ZNF74: variants seen among roughly 807,000 people sequenced by gnomAD.
ZNF74 encodes zinc finger protein 520.
A neutral mutation model predicts 17.7 loss-of-function variants in ZNF74; 12 were observed. The observed-to-expected ratio is 0.68, with a 90% CI of 0.43 to 1.10. The LOEUF (loss-of-function observed/expected upper bound fraction) is 1.10. Ranked by LOEUF, ZNF74 falls within the 50% of genes least tolerant of loss-of-function variation. The probability of loss-of-function intolerance (pLI) is 0.00; values close to 1 mark genes in which losing one functional copy is unlikely to be tolerated. For synonymous variants in ZNF74, 358 were observed against 362.1 expected (o/e 0.99, Z 0.13); for missense variants, 811 against 881.0 (o/e 0.92, Z 1.01).
rs1488417944 is a variant in ZNF74, at chr22:20,401,770, G to A, written c.343+398G>A. 6.6e-5 allele frequency among the ~76,000 whole-genome samples: 10 copies of A among 152,028 alleles called. No homozygotes were observed. The highest frequency in any genetic ancestry group is 2.1e-4 in the South Asian group (1 of 4,818). ...CATCAGCATCAGGGCCAGCGTCAGC[G>A]TCAGGGTCAGAGCCAGCATCAGTGT... is the stretch of plus-strand genomic sequence containing the variant. On this transcript the variant is annotated intron_variant, in intron 4 of 4. Coordinates refer to ENST00000400451, the MANE Select transcript of ZNF74 (RefSeq NM_003426.4). The surrounding 1 kb of genome is among the most constrained non-coding windows in gnomAD (Gnocchi z 4.2).
Position 20,406,754 on chromosome 22 carries a change from A to G in ZNF74, c.1721A>G (p.His574Arg). Residue 574 changes from histidine to arginine, a missense_variant, in exon 5 of 5, where the codon CAC (histidine) becomes CGC (arginine). Transcript: ENST00000400451. Reference protein sequence around the residue: ...MFNWSSHLTEHQRLHSEGKPL... With the variant: ...MFNWSSHLTERQRLHSEGKPL... The stretch of plus-strand genomic sequence containing the variant: ...AACTGGAGCTCGCACCTCACTGAGC[A>G]CCAGAGGCTGCACAGCGAGGGGAAG... 6.2e-7 allele frequency: 1 copy of G among 1,614,158 alleles called. No individual in the cohort carries two copies. Among genetic ancestry groups the G allele is most frequent in the Non-Finnish European group, 8.5e-7 (1 of 1,180,034 alleles).
chr22:20,405,592 G>A lies in ZNF74; in HGVS notation c.559G>A (p.Ala187Thr), dbSNP rs1307995073. 3 of 1,612,668 alleles carry A rather than the reference G, an allele frequency of 1.9e-6. No individual in the cohort carries two copies. Among genetic ancestry groups the A allele is most frequent in the Non-Finnish European group, 2.5e-6 (3 of 1,179,374 alleles). The change falls in exon 5 of 5, where the codon GCC becomes ACC. Residue 187 changes from alanine to threonine, a missense_variant. Physicochemically the swap from Ala to Thr is moderately conservative, Grantham distance 58 (BLOSUM62 0). Coordinates refer to ENST00000400451, the MANE Select transcript of ZNF74 (RefSeq NM_003426.4). ...ATTCCCCCTCAGGTGTCCCCTCTTC[G>A]CCCAGCAACGCGTTCCCGAGGGGGG... ...EEFPLRCPLF[A>T]QQRVPEGGPL...
At position 20,405,832 on chromosome 22, in the gene ZNF74, CGGCGCT is replaced by C. The variant is rs2052414142; in HGVS notation, c.803_808del (p.Arg268_Trp269del). 6.2e-7 allele frequency: 1 copy of C among 1,613,314 alleles called. No individual in the cohort carries two copies. The highest frequency in any genetic ancestry group is 1.1e-5 in the South Asian group (1 of 91,088). On this transcript the variant is annotated inframe_deletion, in exon 5 of 5. Coordinates refer to ENST00000400451, the MANE Select transcript of ZNF74 (RefSeq NM_003426.4). ...CCAGAGCTCCTCCCTCACGCTGCAC[CGGCGCT>C]GGCACAGCCGGGAGAAGGCTTACAA...
chr22:20,401,053 C>G lies in ZNF74; in HGVS notation c.248-224C>G, dbSNP rs2052351743. ...GGAGCCCAGCTGGCTCTGGAACAGT[C>G]CTCAAGCAATGAAGTAAGGACGTCA... On this transcript the variant is annotated intron_variant, in intron 3 of 4. Transcript: ENST00000400451. This position sits in a 1 kb window ranked among gnomAD's most constrained non-coding sequence, Gnocchi z 4.2. The G allele has an allele frequency of 1.7e-6, 1 of 594,698 alleles. No homozygotes were observed. The highest frequency in any genetic ancestry group is 2.0e-5 in the South Asian group (1 of 48,884). The allele number at this position is 594,698 out of a possible 1,614,324, so 36.8% of individuals were successfully genotyped here.
chr22:20,402,181 C>T (rs569901822), intron 4 of ZNF74, among the ~76,000 whole-genome samples: 7 of 152,126 alleles, frequency 4.6e-5, no homozygotes, highest in African/African-American at 9.7e-5. Context: ...GAGCACAGAA[C>T]ACGGGGGTCG....
intron 2 of ZNF74, 136 bp downstream of exon 2, chr22:20,395,554 A>T (rs2052283208): frequency 3.3e-6 from 2 of 613,358 alleles, no homozygotes; most frequent in Non-Finnish European, 5.8e-6. Flanking sequence ...GGCAGTGGGA[A>T]CAGCTCCAAG....
rs776897748 is a variant in ZNF74 at position 20,401,265 on chromosome 22, C to T, written c.248-12C>T. On this transcript the variant is annotated splice_polypyrimidine_tract_variant and intron_variant, in intron 3 of 4. Transcript: ENST00000400451. This position sits in a 1 kb window ranked among gnomAD's most constrained non-coding sequence, Gnocchi z 4.2. Reference sequence around the variant, plus strand: ...CTGCAGCATGCCCAGCCCACTTTCTCTCCACGAGCAGGACCTCCACTGCAC... The same window carrying T: ...CTGCAGCATGCCCAGCCCACTTTCTTTCCACGAGCAGGACCTCCACTGCAC... 6.2e-7 allele frequency: 1 copy of T among 1,600,068 alleles called. No homozygotes were observed. The highest frequency in any genetic ancestry group is 8.5e-7 in the Non-Finnish European group (1 of 1,170,628).
chr22:20,400,202 A>T, intron 2 of ZNF74: 1 of 178,276 alleles, frequency 5.6e-6, no homozygotes, highest in Non-Finnish European at 1.2e-5. Context: ...CTGGGATCGG[A>T]TCCTTTTGCG....
In ZNF74 at chr22:20,405,603, C is replaced by T; in HGVS notation, c.570C>T (p.Arg190=). The part of the protein sequence containing the change: ...PLRCPLFAQQ[R]VPEGGPLLDT... ...GGTGTCCCCTCTTCGCCCAGCAACG[C>T]GTTCCCGAGGGGGGACCCTTGCTGG... is the stretch of plus-strand genomic sequence containing the variant. The change falls in exon 5 of 5, where the codon CGC becomes CGT. Residue 190 remains arginine (R), a synonymous_variant. Transcript: ENST00000400451. The T allele has an allele frequency of 1.2e-6, 2 of 1,613,250 alleles. No individual in the cohort carries two copies. The highest frequency in any genetic ancestry group is 2.2e-5 in the South Asian group (2 of 91,014).
In ZNF74 at chr22:20,407,138, C is replaced by A; in HGVS notation, c.*170C>A. 1.9e-6 allele frequency: 2 copies of A among 1,068,468 alleles called. No homozygotes were observed. Among genetic ancestry groups the A allele is most frequent in the Non-Finnish European group, 2.6e-6 (2 of 767,626 alleles). 66.2% of individuals were successfully genotyped at this position (1,068,468 alleles called of 1,614,324 possible). A position where few individuals can be genotyped will look rare whatever the true frequency, so the allele number is the denominator to read the frequency against. On this transcript the variant is annotated 3_prime_UTR_variant, in exon 5 of 5. Coordinates refer to ENST00000400451, the MANE Select transcript of ZNF74 (RefSeq NM_003426.4). ...GGTGCCTCCTCTAGTTAAAGTCAGTCACCTCCCCAGAAGGGCCACACTCCA... is the reference window on the plus strand; with the variant it reads ...GGTGCCTCCTCTAGTTAAAGTCAGTAACCTCCCCAGAAGGGCCACACTCCA...
Position 20,394,219 on chromosome 22 carries a change from C to G in ZNF74, c.-410C>G. The G allele has an allele frequency of 1.4e-6, 1 of 696,328 alleles. No homozygotes were observed. Among genetic ancestry groups the G allele is most frequent in the South Asian group, 1.5e-5 (1 of 66,944 alleles). 43.1% of individuals were successfully genotyped at this position (696,328 alleles called of 1,614,324 possible). On this transcript the variant is annotated 5_prime_UTR_variant, in exon 1 of 5. Transcript: ENST00000400451. ...GTGGGAGTCCGGTCTGTCCACTTGC[C>G]GGTCCCTCAGACCGTCGGCGGTCTC...
intron 4 of ZNF74, among the ~76,000 whole-genome samples, chr22:20,405,035 C>T (rs373537377): frequency 4.2e-4 from 64 of 152,304 alleles, no homozygotes; most frequent in African/African-American, 1.5e-3. Flanking sequence ...CCGACGTGTC[C>T]GTGAATGAGT....
In ZNF74 at chr22:20,394,497, C is replaced by T. The variant is rs1044971163; in HGVS notation, c.-132C>T. On this transcript the variant is annotated 5_prime_UTR_variant, in exon 1 of 5. Transcript: ENST00000400451. ...GTGCGTGTGATCGTGCAGCTGTGAGCGCGTGGCCGCCCCGCGGGGCTCCGC... is the reference window on the plus strand; with the variant it reads ...GTGCGTGTGATCGTGCAGCTGTGAGTGCGTGGCCGCCCCGCGGGGCTCCGC... The T allele has an allele frequency of 3.3e-6, 3 of 912,036 alleles. No individual in the cohort carries two copies. The highest frequency in any genetic ancestry group is 5.2e-6 in the Non-Finnish European group (3 of 582,216). 56.5% of individuals were successfully genotyped at this position (912,036 alleles called of 1,614,324 possible).
Position 20,405,985 on chromosome 22 carries a change from T to C in ZNF74, c.952T>C (p.Ser318Pro). Reference sequence around the variant, plus strand: ...CGGGAAGGCCTTCAGCTGCCACTCGTCCCTCAACGTGCACCAGCGCATCCA... The same window carrying C: ...CGGGAAGGCCTTCAGCTGCCACTCGCCCCTCAACGTGCACCAGCGCATCCA... ...ECGKAFSCHS[S>P]LNVHQRIHTG... Residue 318 changes from serine (S) to proline (P), a missense_variant, in exon 5 of 5, where the codon TCC (serine) becomes CCC (proline). Ser to Pro is a moderately conservative substitution (Grantham distance 74). This residue lies in a region of ZNF74 where 666 missense variants were observed against 702.3 expected (regional missense o/e 0.95). Coordinates refer to ENST00000400451, the MANE Select transcript of ZNF74 (RefSeq NM_003426.4). 6.2e-7 allele frequency: 1 copy of C among 1,613,116 alleles called. No individual in the cohort carries two copies.
chr22:20,395,183 G>T, intron 1 of ZNF74, 150 bp from the exon 2 acceptor site: 1 of 610,776 alleles, frequency 1.6e-6, no homozygotes. Flanking sequence ...TGCTGTTTCT[G>T]TTGGTGCTAG....
chr22:20,394,531 C>T lies in ZNF74; in HGVS notation c.-98C>T. On this transcript the variant is annotated 5_prime_UTR_variant, in exon 1 of 5. Coordinates refer to ENST00000400451, the MANE Select transcript of ZNF74 (RefSeq NM_003426.4). ...GCCCCGCGGGGCTCCGCTGCAGGCC[C>T]CTCAGCCCCAGGAGCAGTACTCGCT... is the stretch of plus-strand genomic sequence containing the variant. 1 of 1,334,668 alleles carries T rather than the reference C, an allele frequency of 7.5e-7. No individual in the cohort carries two copies. Among genetic ancestry groups the T allele is most frequent in the Non-Finnish European group, 1.1e-6 (1 of 935,876 alleles). 82.7% of individuals were successfully genotyped at this position (1,334,668 alleles called of 1,614,324 possible).
At position 20,394,670 on chromosome 22, in the gene ZNF74, T is replaced by C. The variant is rs772498147; in HGVS notation, c.34+8T>C. 6.8e-6 allele frequency: 11 copies of C among 1,613,894 alleles called. No individual in the cohort carries two copies. The highest frequency in any genetic ancestry group is 9.3e-6 in the Non-Finnish European group (11 of 1,179,922). ...CGGAGCCCGAGAAGACAGGTACAGCTTCACTCTTGTAGTCAGTATGTCTGT... is the reference window on the plus strand; with the variant it reads ...CGGAGCCCGAGAAGACAGGTACAGCCTCACTCTTGTAGTCAGTATGTCTGT... On this transcript the variant is annotated splice_region_variant and intron_variant, in intron 1 of 4. Transcript: ENST00000400451.
At chr22:20,405,294 T>C (rs987501405) in intron 4 of ZNF74, 83 bp from the exon 5 acceptor site, 1 of 1,430,274 alleles carries the variant, frequency 7.0e-7, no homozygotes, top group Non-Finnish European at 9.5e-7. Context: ...TGGGCTTATC[T>C]GCATCTCCAG....
rs759015134 is a variant in ZNF74 at position 20,405,828 on chromosome 22, G to A, written c.795G>A (p.Leu265=). ...KAFRQSSSLT[L]HRRWHSREKA... ...TCCGCCAGAGCTCCTCCCTCACGCT[G>A]CACCGGCGCTGGCACAGCCGGGAGA... Residue 265 remains leucine (L), a synonymous_variant, in exon 5 of 5, where the codon CTG becomes CTA. Transcript: ENST00000400451. The A allele has an allele frequency of 5.0e-6, 8 of 1,613,218 alleles. No individual in the cohort carries two copies. Among genetic ancestry groups the A allele is most frequent in the Non-Finnish European group, 6.8e-6 (8 of 1,179,890 alleles).
Sources: gnomAD v4.1 joint callset for allele counts (sites outside exome capture counted in the v4.1 genomes callset) on GRCh38, gnomAD v4.1.1 for gene constraint, gnomAD v4.1.1 regional missense constraint, Gnocchi (gnomAD v3.1) non-coding constraint, MANE v1.5 for transcripts, NCBI Gene and HGNC (gene_info 2026-07-23, HGNC 2026-07-21) for gene names.